Variants in IQCH observed in about 807,000 individuals in gnomAD.
IQCH encodes the protein IQ domain-containing protein H.
IQCH carries 98 observed loss-of-function variants against 117.0 expected under a neutral mutation model. The observed-to-expected ratio is 0.84, with a 90% CI of 0.71 to 0.99. The LOEUF (loss-of-function observed/expected upper bound fraction) is 0.99. IQCH is among the 50% of genes least tolerant of loss of function. IQCH has a pLI of 0.00. For missense variants in IQCH, 1,102 were observed against 1,243.8 expected (o/e 0.89, Z 1.72); for synonymous variants, 412 against 448.2 (o/e 0.92, Z 1.02).
chr15:67,279,338 T>A, intron 3 of IQCH, 57 bp from the exon 4 acceptor site: 1 of 899,890 alleles, frequency 1.1e-6, no homozygotes, highest in Non-Finnish European at 1.8e-6. Flanking sequence ...AAAATTACAA[T>A]TTGAAAAGCT....
Position 67,500,359 on chromosome 15 carries a change from TA to T in IQCH, c.2971-267del, listed in dbSNP as rs1480737486. On this transcript the variant is annotated intron_variant, in intron 20 of 20. Coordinates refer to ENST00000335894, the MANE Select transcript of IQCH (RefSeq NM_001031715.3). The surrounding 1 kb of genome is among the most constrained non-coding windows in gnomAD (Gnocchi z 4.4). ...AATTTAATTACTAGAAAAATACGAT[TA>T]AAAAAATTAAAGATGTACAATTTAG... is the stretch of plus-strand genomic sequence containing the variant. Among the ~76,000 whole-genome samples, 17 of 152,268 alleles carry T rather than the reference TA, an allele frequency of 1.1e-4. No individual in the cohort carries two copies. The highest frequency in any genetic ancestry group is 7.2e-4 in the Admixed American group (11 of 15,290).
chr15:67,461,500 G>T (rs145157499), intron 16 of IQCH, among the ~76,000 whole-genome samples: 1 of 152,222 alleles, frequency 6.6e-6, no homozygotes, highest in Non-Finnish European at 1.5e-5. Context: ...AGGAACCCCT[G>T]TGCACAAAAC....
chr15:67,279,302 TA>T, intron 3 of IQCH, 92 bp from the exon 4 acceptor site: 1 of 678,796 alleles, frequency 1.5e-6, no homozygotes, highest in Non-Finnish European at 2.6e-6. Flanking sequence ...CTATAAAATA[TA>T]AGCTTAATTA....
chr15:67,497,872 A>G (rs1490768308), intron 20 of IQCH, among the ~76,000 whole-genome samples: 1 of 152,214 alleles, frequency 6.6e-6, no homozygotes, highest in Non-Finnish European at 1.5e-5. Context: ...AGACCTAAAT[A>G]AACAGAAAGA....
rs761705252 is a variant in IQCH at position 67,359,855 on chromosome 15, CAGA to C, written c.726_728del (p.Arg243del). 11 of 1,610,576 alleles carry C rather than the reference CAGA, an allele frequency of 6.8e-6. No individual in the cohort carries two copies. The Admixed American group carries it at 1.8e-4, about 27-fold the overall frequency. On this transcript the variant is annotated inframe_deletion, in exon 8 of 21. Transcript: ENST00000335894. This position sits in a 1 kb window ranked among gnomAD's most constrained non-coding sequence, Gnocchi z 4.5. ...CTCATTCTTCATTGTAGGGGAAAAG[CAGA>C]AGGTCAAGAGGACATCATGATAGGA...
intron 18 of IQCH, among the ~76,000 whole-genome samples, chr15:67,480,935 A>C (rs2083322928): frequency 6.6e-6 from 1 of 151,966 alleles, no homozygotes; most frequent in South Asian, 2.1e-4. Context: ...GACATCTTGC[A>C]AGCAGAAAGG....
At chr15:67,421,107 C>G (rs1039108311) in intron 15 of IQCH, 184 bp from the exon 16 acceptor site, 1 of 604,322 alleles carries the variant, frequency 1.7e-6, no homozygotes, top group African/African-American at 1.9e-5. Flanking sequence ...TACAGTATCT[C>G]CAAGATGCAC....
Position 67,386,445 on chromosome 15 carries a change from C to T in IQCH, c.1456+1426C>T, listed in dbSNP as rs1971110185. ...TTGGTATATAGTCTTCATGATATAG[C>T]AAGGCAATCATAAAAAGTCTTCAAG... is the stretch of plus-strand genomic sequence containing the variant. On this transcript the variant is annotated intron_variant, in intron 11 of 20. Coordinates refer to ENST00000335894, the MANE Select transcript of IQCH (RefSeq NM_001031715.3). The surrounding 1 kb of genome is among the most constrained non-coding windows in gnomAD (Gnocchi z 5.0). Among the ~76,000 whole-genome samples the T allele has an allele frequency of 6.6e-6, 1 of 151,856 alleles. No individual in the cohort carries two copies. The highest frequency in any genetic ancestry group is 1.5e-5 in the Non-Finnish European group (1 of 67,990).
At chr15:67,307,841 G>C (rs890119541) in intron 4 of IQCH, among the ~76,000 whole-genome samples, 1 of 152,108 alleles carries the variant, frequency 6.6e-6, no homozygotes, top group Non-Finnish European at 1.5e-5. Context: ...CCCCATCTCA[G>C]ATGACAAAGA....
At position 67,277,381 on chromosome 15, in the gene IQCH, C is replaced by T. The variant is rs181456660; in HGVS notation, c.270-2014C>T. Reference sequence around the variant, plus strand: ...TTTAGCATGCCTCATCATTTTTTATCGAAGCCTAGATACCATCATTATATC... The same window carrying T: ...TTTAGCATGCCTCATCATTTTTTATTGAAGCCTAGATACCATCATTATATC... On this transcript the variant is annotated intron_variant, in intron 3 of 20. Coordinates refer to ENST00000335894, the MANE Select transcript of IQCH (RefSeq NM_001031715.3). Among the ~76,000 whole-genome samples, 126 of 151,950 alleles carry T rather than the reference C, an allele frequency of 8.3e-4. 2 individuals carry two copies. Among genetic ancestry groups the T allele is most frequent in the Non-Finnish European group, 2.4e-4 (16 of 67,990 alleles).
rs181008947 is a variant in IQCH, at chr15:67,490,179, A to G, written c.2861+115A>G. The G allele has an allele frequency of 6.5e-6, 5 of 774,602 alleles. No homozygotes were observed. In the East Asian group the frequency reaches 7.5e-5, roughly 12 times the overall value. The allele number at this position is 774,602 out of a possible 1,614,324, so 48.0% of individuals were successfully genotyped here. A position where few individuals can be genotyped will look rare whatever the true frequency, so the allele number is the denominator to read the frequency against. On this transcript the variant is annotated intron_variant, in intron 19 of 20. Transcript: ENST00000335894. This position sits in a 1 kb window ranked among gnomAD's most constrained non-coding sequence, Gnocchi z 4.9. ...CAGCATGCTGATTTATTAGAAGTCT[A>G]TCTTTATTTAGATCTTCAGGTATTT...
intron 20 of IQCH, among the ~76,000 whole-genome samples, chr15:67,499,243 G>A (rs762790254): frequency 1.6e-5 from 2 of 124,008 alleles, no homozygotes; most frequent in Non-Finnish European, 3.2e-5. Flanking sequence ...AAGCTGAAGT[G>A]AGTCATAATC....
Position 67,364,661 on chromosome 15 carries a change from T to G in IQCH, c.753+4776T>G, listed in dbSNP as rs1184543083. Among the ~76,000 whole-genome samples, 1 of 152,112 alleles carries G rather than the reference T, an allele frequency of 6.6e-6. No individual in the cohort carries two copies. Among genetic ancestry groups the G allele is most frequent in the African/African-American group, 2.4e-5 (1 of 41,422 alleles). On this transcript the variant is annotated intron_variant, in intron 8 of 20. Coordinates refer to ENST00000335894, the MANE Select transcript of IQCH (RefSeq NM_001031715.3). This position sits in a 1 kb window ranked among gnomAD's most constrained non-coding sequence, Gnocchi z 4.1. ...GATCATTCATAGAAAATTTGGAAAA[T>G]TCAGAAAAGAGAAAAAAAGTATAGA...
rs1208445693 is a variant in IQCH, at chr15:67,395,159, T to G, written c.1633-132T>G. The G allele has an allele frequency of 1.0e-6, 1 of 993,266 alleles. No individual in the cohort carries two copies. Among genetic ancestry groups the G allele is most frequent in the Non-Finnish European group, 1.5e-6 (1 of 675,408 alleles). 61.5% of individuals were successfully genotyped at this position (993,266 alleles called of 1,614,324 possible). A position where few individuals can be genotyped will look rare whatever the true frequency, so the allele number is the denominator to read the frequency against. On this transcript the variant is annotated intron_variant, in intron 12 of 20. Transcript: ENST00000335894. The surrounding 1 kb of genome is among the most constrained non-coding windows in gnomAD (Gnocchi z 4.0). ...CCCAACAGCTTTTATCAATTTAAAC[T>G]GCTAAACAACAGGATAGGTCATAAC... is the stretch of plus-strand genomic sequence containing the variant.
Position 67,493,608 on chromosome 15 carries a change from C to A in IQCH, c.2862-650C>A, listed in dbSNP as rs1001548532. Among the ~76,000 whole-genome samples, 2 of 152,170 alleles carry A rather than the reference C, an allele frequency of 1.3e-5. No individual in the cohort carries two copies. Among genetic ancestry groups the A allele is most frequent in the African/African-American group, 4.8e-5 (2 of 41,442 alleles). On this transcript the variant is annotated intron_variant, in intron 19 of 20. Transcript: ENST00000335894. The surrounding 1 kb of genome is among the most constrained non-coding windows in gnomAD (Gnocchi z 5.1). ...CAAATGTCTCCATAGACAAGGAAATCATTCGGCAAGGATCACACTTAGCGA... is the reference window on the plus strand; with the variant it reads ...CAAATGTCTCCATAGACAAGGAAATAATTCGGCAAGGATCACACTTAGCGA...
rs572490531 is a variant in IQCH at position 67,422,881 on chromosome 15, C to T, written c.2505+1304C>T. Among the ~76,000 whole-genome samples the T allele has an allele frequency of 1.0e-3, 159 of 152,300 alleles. No individual in the cohort carries two copies. The highest frequency in any genetic ancestry group is 3.4e-3 in the Middle Eastern group (1 of 294). On this transcript the variant is annotated intron_variant, in intron 16 of 20. Coordinates refer to ENST00000335894, the MANE Select transcript of IQCH (RefSeq NM_001031715.3). This position sits in a 1 kb window ranked among gnomAD's most constrained non-coding sequence, Gnocchi z 4.7. ...CATGTCCAGACCTCTGTCTAAAGGG[C>T]GAAATGACCTCCTGGCCTTCCTCTC...
chr15:67,450,008 AT>A (rs2082482232), intron 16 of IQCH, among the ~76,000 whole-genome samples: 1 of 152,182 alleles, frequency 6.6e-6, no homozygotes, highest in South Asian at 2.1e-4. Context: ...GAGTTTACTC[AT>A]GATTTGCCTC....
In IQCH at chr15:67,390,661, G is replaced by A. The variant is rs1271228522; in HGVS notation, c.1632+1655G>A. Among the ~76,000 whole-genome samples, 2 of 152,002 alleles carry A rather than the reference G, an allele frequency of 1.3e-5. No homozygotes were observed. The highest frequency in any genetic ancestry group is 2.9e-5 in the Non-Finnish European group (2 of 67,958). On this transcript the variant is annotated intron_variant, in intron 12 of 20. Transcript: ENST00000335894. The surrounding 1 kb of genome is among the most constrained non-coding windows in gnomAD (Gnocchi z 5.0). ...GTGCCACCACACCCAGCTAATTTTT[G>A]TATTTTTAGTAGAGACAGGGTTTCA...
At chr15:67,363,433 A>T (rs1970221628) in intron 8 of IQCH, among the ~76,000 whole-genome samples, 1 of 151,214 alleles carries the variant, frequency 6.6e-6, no homozygotes, top group Non-Finnish European at 1.5e-5. Flanking sequence ...TTTAGTAGAG[A>T]TGGGGTTTCA....
Sources: gnomAD v4.1 joint callset for allele counts (sites outside exome capture counted in the v4.1 genomes callset) on GRCh38, gnomAD v4.1.1 for gene constraint, Gnocchi (gnomAD v3.1) non-coding constraint, MANE v1.5 for transcripts, NCBI Gene and HGNC (gene_info 2026-07-23, HGNC 2026-07-21) for gene names.